Variants in NAALADL2 observed in about 807,000 individuals in gnomAD.
The protein encoded by NAALADL2 is inactive N-acetylated-alpha-linked acidic dipeptidase-like protein 2.
NAALADL2 carries 76 observed loss-of-function variants against 87.2 expected under a neutral mutation model. That is an observed-to-expected ratio of 0.87 (90% CI 0.72 to 1.05). The LOEUF is 1.05. Ranked by LOEUF, NAALADL2 falls within the 50% of genes least tolerant of loss-of-function variation. NAALADL2 has a pLI of 0.00. For synonymous variants in NAALADL2, 354 were observed against 331.0 expected, an observed-to-expected ratio of 1.07 and a Z score of -0.75; for missense variants, 1,089 against 945.8, an observed-to-expected ratio of 1.15 and a Z score of -1.99.
Position 174,636,053 on chromosome 3 carries a change from A to AT in NAALADL2, c.-115+85424dup, listed in dbSNP as rs1180721181. 2.0e-5 allele frequency among the ~76,000 whole-genome samples: 3 copies of AT among 152,050 alleles called. No individual in the cohort carries two copies. The South Asian group carries it at 6.2e-4, about 32-fold the overall frequency. On this transcript the variant is annotated intron_variant, in intron 2 of 3. Coordinates refer to the NAALADL2 transcript ENST00000434257. Reference sequence around the variant, plus strand: ...AGAAAAATATGGAAATGCAAGTGTTATTTTTTTTCCATGTTGAAGGCTGAA... The same window carrying AT: ...AGAAAAATATGGAAATGCAAGTGTTATTTTTTTTTCCATGTTGAAGGCTGAA...
intron 11 of NAALADL2, among the ~76,000 whole-genome samples, chr3:175,684,153 TTAAAA>T (rs1735965247): frequency 6.8e-6 from 1 of 146,514 alleles, no homozygotes; most frequent in African/African-American, 2.7e-5. Context: ...GGCAATCACT[TTAAAA>T]AAAAAAAAGA....
chr3:174,746,787 C>A (rs1156885594), intron 3 of NAALADL2, among the ~76,000 whole-genome samples: 1 of 152,076 alleles, frequency 6.6e-6, no homozygotes, highest in African/African-American at 2.4e-5. Context: ...TATCTACAAC[C>A]CTTTGATCTT....
At chr3:174,809,460 T>C (rs1719906811) in intron 3 of NAALADL2, among the ~76,000 whole-genome samples, 2 of 152,338 alleles carry the variant, frequency 1.3e-5, no homozygotes, top group Admixed American at 6.5e-5. Flanking sequence ...AATTTCACTT[T>C]GTAATAGCAC....
intron 5 of NAALADL2, among the ~76,000 whole-genome samples, chr3:175,354,028 GT>G (rs767933653): frequency 1.3e-5 from 2 of 152,094 alleles, no homozygotes; most frequent in Non-Finnish European, 2.9e-5. Flanking sequence ...TTATAAACTT[GT>G]GTACCACTGC....
intron 1 of NAALADL2, among the ~76,000 whole-genome samples, chr3:174,921,828 G>A (rs9286701): frequency 0.036 from 2,513 of 69,560 alleles, 69 homozygotes; most frequent in African/African-American, 0.062. Context: ...AAAAGAAAAA[G>A]AAAAAGAAAA....
At chr3:174,677,739 T>C (rs1468288815) in intron 2 of NAALADL2, among the ~76,000 whole-genome samples, 1 of 152,064 alleles carries the variant, frequency 6.6e-6, no homozygotes, top group South Asian at 2.1e-4. Flanking sequence ...GTCGATAGCA[T>C]TGTAACTCAT....
In NAALADL2 at chr3:175,803,013, T is replaced by TCTA. The variant is rs763102973; in HGVS notation, c.2200_2202dup (p.Tyr734dup). The TCTA allele has an allele frequency of 6.2e-7, 1 of 1,609,400 alleles. No homozygotes were observed. The highest frequency in any genetic ancestry group is 1.1e-5 in the South Asian group (1 of 90,858). On this transcript the variant is annotated inframe_insertion, in exon 14 of 14. Transcript: ENST00000454872. Reference sequence around the variant, plus strand: ...TTTGTATTTCTTTTCAGAAACATCCTCTACCACCTTGATGAAAAGACAAGC... The same window carrying TCTA: ...TTTGTATTTCTTTTCAGAAACATCCTCTACTACCACCTTGATGAAAAGACAAGC...
At chr3:174,788,220 T>A (rs140707491) in intron 3 of NAALADL2, among the ~76,000 whole-genome samples, 7 of 152,214 alleles carry the variant, frequency 4.6e-5, no homozygotes, top group African/African-American at 1.4e-4. Flanking sequence ...ACCAGAAGAA[T>A]TGCAATAGAA....
chr3:175,444,204 C>A (rs188412851), intron 5 of NAALADL2, among the ~76,000 whole-genome samples: 4 of 152,124 alleles, frequency 2.6e-5, no homozygotes, highest in Non-Finnish European at 2.9e-5. Context: ...TAAGAAGTTT[C>A]CGCAATCATG....
chr3:174,738,993 A>G (rs1733494715), intron 3 of NAALADL2, among the ~76,000 whole-genome samples: 1 of 152,150 alleles, frequency 6.6e-6, no homozygotes. Flanking sequence ...TAGCCTGTAA[A>G]TTACTGATTA....
chr3:174,805,164 T>C (rs550733469), intron 3 of NAALADL2, among the ~76,000 whole-genome samples: 13 of 152,286 alleles, frequency 8.5e-5, no homozygotes. Context: ...TCTTTTATGC[T>C]GTCAAAATTG....
chr3:175,329,846 A>G (rs1424810290), intron 5 of NAALADL2, among the ~76,000 whole-genome samples: 1 of 152,176 alleles, frequency 6.6e-6, no homozygotes, highest in African/African-American at 2.4e-5. Flanking sequence ...GCTCCTTTCA[A>G]AAATCTAAAT....
intron 3 of NAALADL2, among the ~76,000 whole-genome samples, chr3:174,812,824 G>C (rs969513606): frequency 1.3e-5 from 2 of 151,718 alleles, no homozygotes; most frequent in Non-Finnish European, 2.9e-5. Flanking sequence ...TTTAAAAATA[G>C]AAATAGGCTT....
chr3:174,727,288 A>T (rs1257523960), intron 2 of NAALADL2, among the ~76,000 whole-genome samples: 1 of 151,822 alleles, frequency 6.6e-6, no homozygotes, highest in Non-Finnish European at 1.5e-5. Context: ...TCTAAAAAAA[A>T]AAATCATTTT....
chr3:175,192,814 A>T (rs1400101956), intron 2 of NAALADL2, among the ~76,000 whole-genome samples: 1 of 152,028 alleles, frequency 6.6e-6, no homozygotes, highest in African/African-American at 2.4e-5. Context: ...GAATGTATTG[A>T]TAATTTTTAA....
chr3:175,221,583 G>T (rs1156935745), intron 2 of NAALADL2, among the ~76,000 whole-genome samples: 1 of 151,758 alleles, frequency 6.6e-6, no homozygotes, highest in Non-Finnish European at 1.5e-5. Flanking sequence ...GCATTTTTTG[G>T]TACCTTCAAG....
intron 2 of NAALADL2, among the ~76,000 whole-genome samples, chr3:175,158,296 A>C (rs1258186224): frequency 6.6e-6 from 1 of 152,096 alleles, no homozygotes; most frequent in Non-Finnish European, 1.5e-5. Flanking sequence ...CTATTTCAAA[A>C]TAAGACAATT....
chr3:175,704,876 A>C (rs995810036), intron 11 of NAALADL2, among the ~76,000 whole-genome samples: 4 of 152,232 alleles, frequency 2.6e-5, no homozygotes, highest in Admixed American at 6.5e-5. Flanking sequence ...GTTTCATGTA[A>C]GTATGATGAA....
chr3:175,703,141 G>A (rs901222984), intron 11 of NAALADL2, among the ~76,000 whole-genome samples: 3 of 152,116 alleles, frequency 2.0e-5, no homozygotes, highest in African/African-American at 7.2e-5. Flanking sequence ...AAAACTCACT[G>A]GCACTCATAG....
Sources: allele counts gnomAD v4.1 joint callset (sites outside exome capture counted in the v4.1 genomes callset), GRCh38; gene constraint gnomAD v4.1.1; transcripts MANE v1.5; gene names NCBI Gene and HGNC (gene_info 2026-07-23, HGNC 2026-07-21).